The following TBC1D32 variants were observed in gnomAD, a reference collection of about 807,000 sequenced individuals.
TBC1D32 encodes the protein protein broad-minded.
A neutral mutation model predicts 170.3 loss-of-function variants in TBC1D32; 151 were observed. That is an observed-to-expected ratio of 0.89 (90% CI 0.78 to 1.01). The LOEUF is 1.01. TBC1D32 is among the 50% of genes least tolerant of loss of function. The pLI is 0.00. For synonymous variants in TBC1D32, 498 were observed against 488.0 expected (o/e 1.02, Z -0.27); for missense variants, 1,464 against 1,457.1 (o/e 1.00, Z -0.08).
In TBC1D32 at chr6:121,334,320, T is replaced by C; in HGVS notation, c.111A>G (p.Glu37=). ...TTTCCTCCAGATGTAAAAGAATCTC[T>C]TCGGCACACTCCAGGGAAGGGGCAC... ...ITGAPSLECA[E]EILLHLEETD... Residue 37 remains glutamate, a synonymous_variant, in exon 1 of 32, where the codon GAA becomes GAG. Transcript: ENST00000398212. 1 of 1,614,168 alleles carries C rather than the reference T, an allele frequency of 6.2e-7. No homozygotes were observed. The highest frequency in any genetic ancestry group is 1.3e-5 in the African/African-American group (1 of 75,046).
intron 30 of TBC1D32, among the ~76,000 whole-genome samples, chr6:121,094,270 T>C (rs561664510): frequency 1.3e-5 from 2 of 151,938 alleles, no homozygotes; most frequent in South Asian, 2.1e-4. Context: ...TGAGTTCAAA[T>C]GATTCTCATG....
chr6:121,092,825 A>C (rs1276865863), intron 30 of TBC1D32, among the ~76,000 whole-genome samples: 1 of 152,162 alleles, frequency 6.6e-6, no homozygotes, highest in Non-Finnish European at 1.5e-5. Flanking sequence ...CCCTATTCAA[A>C]TATAGTCACA....
intron 25 of TBC1D32, among the ~76,000 whole-genome samples, chr6:121,128,078 C>T (rs1050661546): frequency 6.6e-6 from 1 of 152,136 alleles, no homozygotes; most frequent in African/African-American, 2.4e-5. Context: ...CTGGCAAGTA[C>T]TGATATTCAA....
At chr6:121,083,504 A>G (rs1327344746) in intron 31 of TBC1D32, among the ~76,000 whole-genome samples, 1 of 152,086 alleles carries the variant, frequency 6.6e-6, no homozygotes, top group Non-Finnish European at 1.5e-5. Flanking sequence ...GATGTATTCA[A>G]TATTATATAA....
In TBC1D32 at chr6:121,250,142, G is replaced by A. The variant is rs59863462; in HGVS notation, c.2018+5186C>T. Among the ~76,000 whole-genome samples the A allele has an allele frequency of 9.1e-3, 1,383 of 151,742 alleles. 25 individuals carry two copies. The highest frequency in any genetic ancestry group is 0.031 in the African/African-American group (1,281 of 41,472). On this transcript the variant is annotated intron_variant, in intron 17 of 31. Coordinates refer to ENST00000398212, the MANE Select transcript of TBC1D32 (RefSeq NM_152730.6). Reference sequence around the variant, plus strand: ...TACTGGTATAAAAATAGGCAAGTACGAATTCTACCAGAGATACAAAGAGAA... The same window carrying A: ...TACTGGTATAAAAATAGGCAAGTACAAATTCTACCAGAGATACAAAGAGAA...
At chr6:121,238,446 T>A (rs1214376162) in intron 20 of TBC1D32, among the ~76,000 whole-genome samples, 1 of 152,128 alleles carries the variant, frequency 6.6e-6, no homozygotes, top group Non-Finnish European at 1.5e-5. Context: ...AACATTGGAG[T>A]GTTTTGCTTT....
intron 21 of TBC1D32, among the ~76,000 whole-genome samples, chr6:121,211,743 T>G (rs555708724): frequency 8.5e-4 from 129 of 152,300 alleles, no homozygotes; most frequent in African/African-American, 2.9e-3. Flanking sequence ...AGTAAAATGC[T>G]GTGGAAGACC....
Position 121,138,513 on chromosome 6 carries a change from C to T in TBC1D32, c.2774-6761G>A, listed in dbSNP as rs995995659. Among the ~76,000 whole-genome samples the T allele has an allele frequency of 4.6e-5, 7 of 152,256 alleles. No individual in the cohort carries two copies. The East Asian group carries it at 1.4e-3, about 29-fold the overall frequency. The stretch of plus-strand genomic sequence containing the variant: ...GATTTTCTAGTCATCTCAATAGCTG[C>T]AGCTCAAGATTTACTACAGAGGGGA... On this transcript the variant is annotated intron_variant, in intron 24 of 31. Coordinates refer to ENST00000398212, the MANE Select transcript of TBC1D32 (RefSeq NM_152730.6).
intron 21 of TBC1D32, among the ~76,000 whole-genome samples, chr6:121,220,003 CA>C (rs1277287972): frequency 6.6e-6 from 1 of 152,158 alleles, no homozygotes; most frequent in Non-Finnish European, 1.5e-5. Context: ...ATTGTTCCAC[CA>C]ACTGGTCATC....
rs752823773 is a variant in TBC1D32 at position 121,160,994 on chromosome 6, A to G, written c.2633T>C (p.Val878Ala). Reference protein sequence around the residue: ...RNHVLVRINLVGGPLERILPP... With the variant: ...RNHVLVRINLAGGPLERILPP... ...CAAAATCCGTTCCAATGGCCCACCA[A>G]CAAGATTTATTCTAACAAGAACATG... Residue 878 changes from valine to alanine, a missense_variant, in exon 23 of 32, where the codon GTT becomes GCT. Val to Ala is a moderately conservative substitution (Grantham distance 64). This residue lies in a region of TBC1D32 where 1,363 missense variants were observed against 1,338.1 expected (regional missense o/e 1.02). Coordinates refer to ENST00000398212, the MANE Select transcript of TBC1D32 (RefSeq NM_152730.6). 27 of 1,613,870 alleles carry G rather than the reference A, an allele frequency of 1.7e-5. No homozygotes were observed. Among genetic ancestry groups the G allele is most frequent in the Non-Finnish European group, 2.1e-5 (25 of 1,179,988 alleles).
rs560442050 is a variant in TBC1D32, at chr6:121,241,252, A to G, written c.2245+213T>C. 2.0e-5 allele frequency among the ~76,000 whole-genome samples: 3 copies of G among 152,312 alleles called. No homozygotes were observed. In the East Asian group the frequency reaches 5.8e-4, roughly 29 times the overall value. On this transcript the variant is annotated intron_variant, in intron 19 of 31. Coordinates refer to ENST00000398212, the MANE Select transcript of TBC1D32 (RefSeq NM_152730.6). ...CCGAGGCAACAGAACAAGGTTGTAT[A>G]TATATCACAGAAACACAAAACCGTA...
intron 25 of TBC1D32, among the ~76,000 whole-genome samples, chr6:121,128,223 C>G (rs1398614251): frequency 6.6e-6 from 1 of 152,086 alleles, no homozygotes; most frequent in African/African-American, 2.4e-5. Flanking sequence ...TCATTTTGCC[C>G]AGCAACCCTT....
chr6:121,263,704 C>A (rs190402439), intron 15 of TBC1D32, among the ~76,000 whole-genome samples: 2 of 152,298 alleles, frequency 1.3e-5, no homozygotes, highest in Admixed American at 1.3e-4. Context: ...AATTAAAATA[C>A]TCCTCAGCAA....
chr6:121,227,139 GGCTGAATGCA>G (rs1422549613), intron 20 of TBC1D32, among the ~76,000 whole-genome samples: 2 of 152,260 alleles, frequency 1.3e-5, no homozygotes, highest in African/African-American at 4.8e-5. Context: ...AGCTGTCCTG[GGCTGAATGCA>G]GCCCATGGGC....
rs1164227940 is a variant in TBC1D32, at chr6:121,080,801, G to A, written c.3744C>T (p.Asp1248=). ...TGCTCTGCAGTCTAATGTTCCGCAT[G>A]TCTCTCAGCAGCACTGTTCGGTAGT... ...EQNYRTVLLR[D]MRNIRLQST is the part of the protein sequence containing the mutation. The change falls in exon 32 of 32, where the codon GAC becomes GAT. Residue 1248 remains aspartate (D), a synonymous_variant. Coordinates refer to ENST00000398212, the MANE Select transcript of TBC1D32 (RefSeq NM_152730.6). The A allele has an allele frequency of 6.2e-7, 1 of 1,613,610 alleles. No homozygotes were observed. The highest frequency in any genetic ancestry group is 1.7e-5 in the Admixed American group (1 of 59,956).
intron 30 of TBC1D32, among the ~76,000 whole-genome samples, chr6:121,095,015 C>T (rs1463265141): frequency 3.3e-5 from 5 of 151,946 alleles, no homozygotes; most frequent in African/African-American, 7.3e-5. Context: ...TTTTCAAAAA[C>T]GATCAGTTGA....
intron 29 of TBC1D32, among the ~76,000 whole-genome samples, chr6:121,110,010 G>A (rs1441681065): frequency 1.3e-5 from 2 of 151,868 alleles, no homozygotes; most frequent in Non-Finnish European, 2.9e-5. Context: ...CCAGCACTTT[G>A]GGAGGCCGAG....
chr6:121,160,214 C>T, intron 23 of TBC1D32, 111 bp from the exon 24 acceptor site: 1 of 703,164 alleles, frequency 1.4e-6, no homozygotes, highest in Non-Finnish European at 2.4e-6. Context: ...CTCATAAATT[C>T]TGCAGTTGTT....
chr6:121,220,640 C>CTTTTTTTTTT (rs923251281), intron 21 of TBC1D32, among the ~76,000 whole-genome samples: 1 of 126,210 alleles, frequency 7.9e-6, no homozygotes, highest in African/African-American at 3.0e-5. Context: ...TTTTCTTTTT[C>CTTTTTTTTTT]TTTTTTTTTT....
Sources: allele counts gnomAD v4.1 joint callset (sites outside exome capture counted in the v4.1 genomes callset), GRCh38; gene constraint gnomAD v4.1.1; regional missense constraint gnomAD v4.1.1; transcripts MANE v1.5; gene names NCBI Gene and HGNC (gene_info 2026-07-23, HGNC 2026-07-21).